Variants in NRXN1 observed in about 807,000 individuals in gnomAD.
NRXN1 encodes the protein neurexin-1.
A neutral mutation model predicts 150.9 loss-of-function variants in NRXN1; 39 were observed. The ratio of observed to expected loss-of-function variants is 0.26; its 90% confidence interval spans 0.20 to 0.34. The LOEUF (loss-of-function observed/expected upper bound fraction) is 0.34. NRXN1 is among the 10% of genes least tolerant of loss of function. The pLI is 1.00. For synonymous variants in NRXN1, 924 were observed against 757.0 expected (o/e 1.22, Z -3.62); for missense variants, 1,815 against 1,949.9 (o/e 0.93, Z 1.30).
Position 50,171,623 on chromosome 2 carries a change from C to CA in NRXN1, c.3546+65165dup, listed in dbSNP as rs1030982183. On this transcript the variant is annotated intron_variant, in intron 18 of 22. Transcript: ENST00000401669. ...CTCAGGCAAAAGAGAAAAGGGGAGA[C>CA]AAAATCAAGTCTACTTAGATGCCAC... Among the ~76,000 whole-genome samples, 22 of 152,082 alleles carry CA rather than the reference C, an allele frequency of 1.4e-4. No homozygotes were observed. In the Middle Eastern group the frequency reaches 0.017, roughly 118 times the overall value.
chr2:50,180,961 G>C (rs2060671891), intron 18 of NRXN1, among the ~76,000 whole-genome samples: 1 of 151,954 alleles, frequency 6.6e-6, no homozygotes, highest in Non-Finnish European at 1.5e-5. Context: ...TAACTTTTGG[G>C]TTTGTGTAGT....
chr2:50,455,596 G>A (rs1396317715), intron 17 of NRXN1, among the ~76,000 whole-genome samples: 1 of 152,158 alleles, frequency 6.6e-6, no homozygotes, highest in Non-Finnish European at 1.5e-5. Flanking sequence ...GTCTCCTGCA[G>A]CTAAGAGGAA....
At chr2:50,391,968 AC>A (rs1460938195) in intron 17 of NRXN1, among the ~76,000 whole-genome samples, 1 of 152,200 alleles carries the variant, frequency 6.6e-6, no homozygotes, top group African/African-American at 2.4e-5. Flanking sequence ...TCATTTGTAA[AC>A]ATCTCTGCAG....
intron 5 of NRXN1, among the ~76,000 whole-genome samples, chr2:50,753,952 A>C: frequency 9.2e-6 from 1 of 108,948 alleles, no homozygotes; most frequent in Admixed American, 1.2e-4. Context: ...ATTCATCATG[A>C]CGATTTTTTT....
intron 5 of NRXN1, among the ~76,000 whole-genome samples, chr2:50,746,318 G>C (rs1700024601): frequency 6.6e-6 from 1 of 152,026 alleles, no homozygotes; most frequent in South Asian, 2.1e-4. Flanking sequence ...AAAACTTTGG[G>C]AGACTCAGGC....
At chr2:50,553,148 G>T in intron 8 of NRXN1, 123 bp from the exon 9 acceptor site, 1 of 706,558 alleles carries the variant, frequency 1.4e-6, no homozygotes, top group Non-Finnish European at 2.4e-6. Flanking sequence ...TAATTTTGTT[G>T]TATAAAGGCA....
chr2:50,200,830 A>T (rs2062107478), intron 18 of NRXN1, among the ~76,000 whole-genome samples: 1 of 152,152 alleles, frequency 6.6e-6, no homozygotes, highest in Non-Finnish European at 1.5e-5. Flanking sequence ...GGAACCTATG[A>T]AAATTGTATT....
chr2:50,970,092 A>G (rs1694767862), intron 2 of NRXN1, among the ~76,000 whole-genome samples: 1 of 152,136 alleles, frequency 6.6e-6, no homozygotes, highest in Non-Finnish European at 1.5e-5. Context: ...TTTAGTACCT[A>G]CAGTCAAACA....
chr2:50,549,217 T>TAGCC (rs1392759313), intron 9 of NRXN1, among the ~76,000 whole-genome samples: 11 of 152,166 alleles, frequency 7.2e-5, no homozygotes, highest in Middle Eastern at 3.2e-3. Context: ...AAAGCAAGTA[T>TAGCC]AGCCATTCAT....
chr2:49,957,503 G>A (rs2193868), intron 21 of NRXN1, among the ~76,000 whole-genome samples: 2 of 151,848 alleles, frequency 1.3e-5, no homozygotes, highest in African/African-American at 4.8e-5. Flanking sequence ...CACAGAGAAA[G>A]TACAAGTTTC....
intron 5 of NRXN1, among the ~76,000 whole-genome samples, chr2:50,663,122 G>A (rs1321254902): frequency 6.6e-5 from 10 of 152,010 alleles, no homozygotes; most frequent in African/African-American, 1.2e-4. Context: ...CATCTGCTTC[G>A]CAGTGTTTCC....
In NRXN1 at chr2:50,908,067, C is replaced by T. The variant is rs569859874; in HGVS notation, c.832+13802G>A. On this transcript the variant is annotated intron_variant, in intron 5 of 22. Transcript: ENST00000401669. ...TTCCATGTAAAAATGTATTCACCTA[C>T]TGAGCTATAAATCCCTCTAGAACAA... Among the ~76,000 whole-genome samples, 17 of 152,178 alleles carry T rather than the reference C, an allele frequency of 1.1e-4. No homozygotes were observed. The East Asian group carries it at 3.3e-3, about 30-fold the overall frequency.
intron 17 of NRXN1, among the ~76,000 whole-genome samples, chr2:50,344,511 G>A (rs916579841): frequency 6.6e-6 from 1 of 152,110 alleles, no homozygotes; most frequent in African/African-American, 2.4e-5. Flanking sequence ...GAAACAGAAA[G>A]TTCTTTGACC....
chr2:50,912,574 T>C (rs1392932573), intron 5 of NRXN1, among the ~76,000 whole-genome samples: 1 of 151,840 alleles, frequency 6.6e-6, no homozygotes, highest in East Asian at 1.9e-4. Context: ...GAGTGAAACA[T>C]GTGAGTAACT....
intron 2 of NRXN1, among the ~76,000 whole-genome samples, chr2:50,935,508 G>T (rs566310565): frequency 6.6e-6 from 1 of 152,124 alleles, no homozygotes; most frequent in South Asian, 2.1e-4. Flanking sequence ...GCCAAGGCAG[G>T]CAGATCACTT....
intron 12 of NRXN1, among the ~76,000 whole-genome samples, chr2:50,513,959 C>T (rs138005504): frequency 3.3e-5 from 5 of 152,246 alleles, no homozygotes; most frequent in Non-Finnish European, 7.4e-5. Flanking sequence ...AAGAGGTTAA[C>T]TACATAAATG....
chr2:50,183,427 G>GT lies in NRXN1; in HGVS notation c.3546+53361dup, dbSNP rs200737181. 7.4e-3 allele frequency among the ~76,000 whole-genome samples: 1,121 copies of GT among 151,080 alleles called. 11 individuals carry two copies. Among genetic ancestry groups the GT allele is most frequent in the Middle Eastern group, 0.021 (6 of 292 alleles). On this transcript the variant is annotated intron_variant, in intron 18 of 22. Coordinates refer to ENST00000401669, the MANE Select transcript of NRXN1 (RefSeq NM_001330078.2). ...TTTCTGAATGTTGGAGATTTGGGGAGTTTTTTTTTAAACCAACCTCTATTT... is the reference window on the plus strand; with the variant it reads ...TTTCTGAATGTTGGAGATTTGGGGAGTTTTTTTTTTAAACCAACCTCTATTT...
intron 18 of NRXN1, among the ~76,000 whole-genome samples, chr2:50,097,811 G>A (rs1043057323): frequency 6.6e-6 from 1 of 152,018 alleles, no homozygotes; most frequent in African/African-American, 2.4e-5. Flanking sequence ...AGCTAATAAT[G>A]TATTTTTGGT....
intron 5 of NRXN1, among the ~76,000 whole-genome samples, chr2:50,832,298 G>A (rs1002478871): frequency 3.3e-5 from 5 of 152,156 alleles, no homozygotes; most frequent in African/African-American, 1.2e-4. Flanking sequence ...CAGACTGAGT[G>A]AGAGCTTAAT....
Sources: gnomAD v4.1 joint callset for allele counts (sites outside exome capture counted in the v4.1 genomes callset) on GRCh38, gnomAD v4.1.1 for gene constraint, MANE v1.5 for transcripts, NCBI Gene and HGNC (gene_info 2026-07-23, HGNC 2026-07-21) for gene names.